Variants in TRIM33 observed in about 807,000 individuals in gnomAD.
The protein encoded by TRIM33 is E3 ubiquitin-protein ligase TRIM33.
TRIM33 carries 20 observed loss-of-function variants against 125.4 expected under a neutral mutation model. The ratio of observed to expected loss-of-function variants is 0.16; its 90% CI spans 0.11 to 0.23. TRIM33 has a LOEUF of 0.23. Ranked by LOEUF, TRIM33 falls within the 10% of genes least tolerant of loss-of-function variation. The pLI is 1.00. For missense variants in TRIM33, 920 were observed against 1,411.4 expected (o/e 0.65, Z 5.58); for synonymous variants, 564 against 513.9 (o/e 1.10, Z -1.32).
rs556692713 is a variant in TRIM33, at chr1:114,462,623, T to G, written c.923+481A>C. ...CTAGTAAATGAATACTACTGAATTC[T>G]GAGGGTACAAGGCTAAAATACAAAG... On this transcript the variant is annotated intron_variant, in intron 4 of 19. Transcript: ENST00000358465. 2.4e-4 allele frequency among the ~76,000 whole-genome samples: 37 copies of G among 152,294 alleles called. No individual in the cohort carries two copies. In the South Asian group the frequency reaches 7.0e-3, roughly 29 times the overall value.
intron 11 of TRIM33, 50 bp from the exon 12 acceptor site, chr1:114,410,366 GTTA>G: frequency 6.4e-7 from 1 of 1,568,656 alleles, no homozygotes; most frequent in Non-Finnish European, 8.6e-7. Context: ...AAGCAGAGAA[GTTA>G]TTAATTTTAT....
rs1216159394 is a variant in TRIM33, at chr1:114,395,130, C to G, written c.*2518G>C. The stretch of plus-strand genomic sequence containing the variant: ...ATAGGTATATTAGAGCTGAAAAAAT[C>G]AGCTTAGAAACACAACGATCAGTGT... On this transcript the variant is annotated 3_prime_UTR_variant, in exon 20 of 20. Coordinates refer to ENST00000358465, the MANE Select transcript of TRIM33 (RefSeq NM_015906.4). 1 of 197,782 alleles carries G rather than the reference C, an allele frequency of 5.1e-6. No individual in the cohort carries two copies. The highest frequency in any genetic ancestry group is 2.3e-5 in the African/African-American group (1 of 43,438). The allele number at this position is 197,782 out of a possible 1,614,324, so 12.3% of individuals were successfully genotyped here. A position where few individuals can be genotyped will look rare whatever the true frequency, so the allele number is the denominator to read the frequency against.
intron 1 of TRIM33, among the ~76,000 whole-genome samples, chr1:114,505,217 A>G (rs1382983497): frequency 4.6e-5 from 7 of 152,226 alleles, no homozygotes; most frequent in African/African-American, 7.2e-5. Context: ...GAAGTATTTC[A>G]GCAATCTTGG....
chr1:114,410,080 A>C, intron 12 of TRIM33, 104 bp downstream of exon 12: 1 of 1,350,572 alleles, frequency 7.4e-7, no homozygotes, highest in Non-Finnish European at 1.0e-6. Context: ...CTCTTCAAGT[A>C]GACCTCCTAC....
intron 11 of TRIM33, among the ~76,000 whole-genome samples, chr1:114,420,104 G>A (rs1256816488): frequency 3.3e-5 from 5 of 152,128 alleles, no homozygotes; most frequent in East Asian, 1.9e-4. Flanking sequence ...TCAGTATAAC[G>A]CTGGCAGATT....
chr1:114,424,799 AAATTT>A (rs1260153095), intron 9 of TRIM33, 44 bp from the exon 10 acceptor site: 3 of 1,243,784 alleles, frequency 2.4e-6, no homozygotes, highest in Admixed American at 3.1e-5. Context: ...ATTTTAAAAT[AAATTT>A]ATCTCAATTA....
chr1:114,418,891 A>G (rs867396043), intron 11 of TRIM33, among the ~76,000 whole-genome samples: 1 of 151,942 alleles, frequency 6.6e-6, no homozygotes, highest in South Asian at 2.1e-4. Flanking sequence ...CCATTGCCTT[A>G]CTGCCCCCAC....
At chr1:114,479,955 C>T (rs112397227) in intron 1 of TRIM33, among the ~76,000 whole-genome samples, 2 of 151,970 alleles carry the variant, frequency 1.3e-5, no homozygotes, top group African/African-American at 2.4e-5. Context: ...CCCCTCTGCC[C>T]GGCCGCCACC....
chr1:114,408,642 A>G, intron 13 of TRIM33, 35 bp downstream of exon 13: 1 of 1,431,008 alleles, frequency 7.0e-7, no homozygotes, highest in Non-Finnish European at 9.6e-7. Context: ...ATTTTTCTTA[A>G]CAAAAAGGAA....
At chr1:114,473,984 A>T (rs1650817674) in intron 1 of TRIM33, among the ~76,000 whole-genome samples, 1 of 152,062 alleles carries the variant, frequency 6.6e-6, no homozygotes, top group African/African-American at 2.4e-5. Flanking sequence ...CTGCAGCCTC[A>T]ACCTCCTGGG....
Position 114,397,696 on chromosome 1 carries a change from G to A in TRIM33, c.3336C>T (p.Pro1112=), listed in dbSNP as rs1557838471. 1 of 1,612,336 alleles carries A rather than the reference G, an allele frequency of 6.2e-7. No homozygotes were observed. ...TEDSDEDFIQ[P]RRKRLKSDER... is the part of the protein sequence containing the mutation. Reference sequence around the variant, plus strand: ...CATCTGACTTTAGGCGTTTTCTGCGGGGCTGTATAAAGTCTTCATCAGAGT... The same window carrying A: ...CATCTGACTTTAGGCGTTTTCTGCGAGGCTGTATAAAGTCTTCATCAGAGT... Residue 1112 remains proline (P), a synonymous_variant, in exon 20 of 20, where the codon CCC becomes CCT. Transcript: ENST00000358465.
At chr1:114,477,832 C>G (rs1417669275) in intron 1 of TRIM33, among the ~76,000 whole-genome samples, 1 of 152,116 alleles carries the variant, frequency 6.6e-6, no homozygotes, top group Non-Finnish European at 1.5e-5. Flanking sequence ...ATTAAATCAC[C>G]ACCAGTGACT....
At chr1:114,449,892 C>T (rs146976235) in intron 4 of TRIM33, among the ~76,000 whole-genome samples, 1 of 152,190 alleles carries the variant, frequency 6.6e-6, no homozygotes, top group Non-Finnish European at 1.5e-5. Context: ...AGTTTTCATT[C>T]CTCATTCTAA....
intron 4 of TRIM33, among the ~76,000 whole-genome samples, chr1:114,436,301 C>T (rs1390749586): frequency 1.4e-5 from 2 of 142,774 alleles, no homozygotes; most frequent in Admixed American, 1.5e-4. Context: ...AGTTGAGATG[C>T]GGAGGCAGGG....
intron 16 of TRIM33, 30 bp from the exon 17 acceptor site, chr1:114,401,493 G>A (rs778774738): frequency 1.9e-6 from 3 of 1,581,610 alleles, no homozygotes; most frequent in Non-Finnish European, 2.6e-6. Context: ...GAAAGCACAT[G>A]AAATATTTTT....
chr1:114,491,902 T>C (rs1337548359), intron 1 of TRIM33, among the ~76,000 whole-genome samples: 2 of 152,202 alleles, frequency 1.3e-5, no homozygotes, highest in Non-Finnish European at 2.9e-5. Context: ...ACCTTACACG[T>C]GTTTTCTCCA....
chr1:114,510,798 T>C lies in TRIM33; in HGVS notation c.279A>G (p.Ala93=), dbSNP rs1307324600. 6.6e-7 allele frequency: 1 copy of C among 1,519,238 alleles called. No homozygotes were observed. Among genetic ancestry groups the C allele is most frequent in the Non-Finnish European group, 8.8e-7 (1 of 1,139,520 alleles). The allele number at this position is 1,519,238 out of a possible 1,614,324, so 94.1% of individuals were successfully genotyped here. ...CTGGAGCTGGAGCCGGCGTCGATAC[T>C]GCGCCCCCGGCAACTCCAGTGCCCA... is the stretch of plus-strand genomic sequence containing the variant. ...ASVGTGVAGG[A]VSTPAPAPAS... is the part of the protein sequence containing the mutation. The change falls in exon 1 of 20, where the codon GCA becomes GCG. Residue 93 remains alanine, a synonymous_variant. Transcript: ENST00000358465.
At chr1:114,473,651 G>A (rs946218798) in intron 1 of TRIM33, among the ~76,000 whole-genome samples, 3 of 152,146 alleles carry the variant, frequency 2.0e-5, no homozygotes, top group Non-Finnish European at 4.4e-5. Flanking sequence ...ATTGCTTTAT[G>A]AGGAAGTTTA....
In TRIM33 at chr1:114,439,892, TAAAG is replaced by T. The variant is rs373694411; in HGVS notation, c.924-6163_924-6160del. On this transcript the variant is annotated intron_variant, in intron 4 of 19. Transcript: ENST00000358465. ...AGTGGAGCAACATCTTTAAACTACT[TAAAG>T]AAAACTTTCAGCCTTGAATTATTTA... 5.6e-3 allele frequency among the ~76,000 whole-genome samples: 850 copies of T among 152,266 alleles called. 16 individuals are homozygous for T. Among genetic ancestry groups the T allele is most frequent in the Non-Finnish European group, 5.5e-3 (375 of 68,012 alleles).
Sources: allele counts gnomAD v4.1 joint callset (sites outside exome capture counted in the v4.1 genomes callset), GRCh38; gene constraint gnomAD v4.1.1; transcripts MANE v1.5; gene names NCBI Gene and HGNC (gene_info 2026-07-23, HGNC 2026-07-21).